ZBTB20: variants seen among roughly 807,000 people sequenced by gnomAD.
The protein encoded by ZBTB20 is zinc finger and BTB domain-containing protein 20.
In ZBTB20, 9 loss-of-function variants were observed where a neutral mutation model predicts 56.9. The ratio of observed to expected loss-of-function variants is 0.16; its 90% CI spans 0.10 to 0.28. The LOEUF (loss-of-function observed/expected upper bound fraction) is 0.28. ZBTB20 is among the 10% of genes least tolerant of loss of function. The pLI is 1.00. For synonymous variants in ZBTB20, 417 were observed against 420.7 expected (o/e 0.99, Z 0.11); for missense variants, 655 against 1,003.0 (o/e 0.65, Z 4.69).
At chr3:115,004,420 AT>A (rs976173330) in intron 2 of ZBTB20, among the ~76,000 whole-genome samples, 10 of 151,198 alleles carry the variant, frequency 6.6e-5, no homozygotes, top group Non-Finnish European at 1.3e-4. Flanking sequence ...AAAACAAAAT[AT>A]TTTTTTTTCC....
chr3:114,518,684 T>C (rs1395556686), intron 6 of ZBTB20: 1 of 152,200 alleles, frequency 6.6e-6, no homozygotes, highest in Non-Finnish European at 1.5e-5. Flanking sequence ...GCTCAATAAA[T>C]ACCTGCTGAA....
At chr3:115,086,174 G>A (rs1156768244) in intron 1 of ZBTB20, among the ~76,000 whole-genome samples, 4 of 151,590 alleles carry the variant, frequency 2.6e-5, no homozygotes, top group South Asian at 2.1e-4. Context: ...ATTTGTCCCC[G>A]GGATTACCTA....
intron 1 of ZBTB20, among the ~76,000 whole-genome samples, chr3:115,116,889 G>A (rs2084036012): frequency 6.6e-6 from 1 of 151,998 alleles, no homozygotes; most frequent in Non-Finnish European, 1.5e-5. Context: ...TGTATTCAAA[G>A]TACAAAGATC....
At chr3:115,055,515 A>T (rs1009652257) in intron 2 of ZBTB20, among the ~76,000 whole-genome samples, 4 of 152,120 alleles carry the variant, frequency 2.6e-5, no homozygotes, top group Non-Finnish European at 4.4e-5. Context: ...GTCTGTGGTA[A>T]TTTGTTATAT....
chr3:114,699,899 C>A (rs1191473358), intron 5 of ZBTB20, among the ~76,000 whole-genome samples: 2 of 152,012 alleles, frequency 1.3e-5, no homozygotes, highest in African/African-American at 4.8e-5. Flanking sequence ...GGACTAGTAT[C>A]TAAAGCTCAC....
chr3:114,374,545 G>C (rs1166412897), intron 10 of ZBTB20, among the ~76,000 whole-genome samples: 1 of 152,172 alleles, frequency 6.6e-6, no homozygotes, highest in Non-Finnish European at 1.5e-5. Flanking sequence ...TTCAGAGGAT[G>C]CTGTTTTTTG....
chr3:115,080,683 A>T (rs961303930), intron 1 of ZBTB20, among the ~76,000 whole-genome samples: 1 of 152,174 alleles, frequency 6.6e-6, no homozygotes, highest in African/African-American at 2.4e-5. Flanking sequence ...AGATTCTTGG[A>T]TAAAAAGATT....
intron 5 of ZBTB20, among the ~76,000 whole-genome samples, chr3:114,718,077 C>T (rs1282200114): frequency 2.0e-5 from 3 of 152,004 alleles, no homozygotes; most frequent in Admixed American, 1.3e-4. Flanking sequence ...CTTTGATATA[C>T]AAAAAAGAGT....
chr3:115,114,904 C>T (rs888163636), intron 1 of ZBTB20, among the ~76,000 whole-genome samples: 1 of 151,998 alleles, frequency 6.6e-6, no homozygotes, highest in Non-Finnish European at 1.5e-5. Flanking sequence ...AAATTAGAAC[C>T]TTGTCATTCT....
chr3:114,348,408 A>G (rs1417968585), intron 11 of ZBTB20, among the ~76,000 whole-genome samples: 2 of 152,250 alleles, frequency 1.3e-5, no homozygotes, highest in African/African-American at 2.4e-5. Context: ...TTACTATTTG[A>G]TTAATTCACC....
At chr3:114,348,572 T>C (rs948625510) in intron 11 of ZBTB20, among the ~76,000 whole-genome samples, 1 of 152,218 alleles carries the variant, frequency 6.6e-6, no homozygotes, top group Non-Finnish European at 1.5e-5. Context: ...TATTTGGAAG[T>C]GTGAATACTG....
In ZBTB20 at chr3:114,321,097, C is replaced by T. The variant is rs1391556135; in HGVS notation, c.*17908G>A. ...GACAGCATTTGAGAAACTGGCTGGACACAGGGGAGCTGCTACTGGTATTTA... is the reference window on the plus strand; with the variant it reads ...GACAGCATTTGAGAAACTGGCTGGATACAGGGGAGCTGCTACTGGTATTTA... On this transcript the variant is annotated 3_prime_UTR_variant, in exon 12 of 12. Transcript: ENST00000675478. 6.6e-6 allele frequency: 1 copy of T among 152,188 alleles called. No individual in the cohort carries two copies. The highest frequency in any genetic ancestry group is 1.9e-4 in the East Asian group (1 of 5,198). 9.4% of individuals were successfully genotyped at this position (152,188 alleles called of 1,614,324 possible). A position where few individuals can be genotyped will look rare whatever the true frequency, so the allele number is the denominator to read the frequency against.
intron 2 of ZBTB20, among the ~76,000 whole-genome samples, chr3:115,044,509 C>T (rs191479484): frequency 4.6e-5 from 7 of 152,148 alleles, no homozygotes; most frequent in Non-Finnish European, 1.0e-4. Context: ...GACAGCTAAA[C>T]CAGATGATGT....
At chr3:114,776,198 G>A (rs996330183) in intron 5 of ZBTB20, among the ~76,000 whole-genome samples, 1 of 150,654 alleles carries the variant, frequency 6.6e-6, no homozygotes, top group African/African-American at 2.4e-5. Context: ...GTGGTGGGCT[G>A]AATAATGACA....
intron 8 of ZBTB20, among the ~76,000 whole-genome samples, chr3:114,384,753 T>A (rs1158926344): frequency 1.3e-5 from 2 of 152,200 alleles, no homozygotes; most frequent in Non-Finnish European, 2.9e-5. Flanking sequence ...AGTAAGGCTG[T>A]GGAGGATGTT....
At chr3:114,909,716 A>G (rs1014524999) in intron 3 of ZBTB20, among the ~76,000 whole-genome samples, 3 of 152,164 alleles carry the variant, frequency 2.0e-5, no homozygotes, top group Non-Finnish European at 2.9e-5. Flanking sequence ...CACAATGATG[A>G]AATCACCTAA....
chr3:115,049,524 G>T (rs1305661585), intron 2 of ZBTB20, among the ~76,000 whole-genome samples: 3 of 152,000 alleles, frequency 2.0e-5, no homozygotes, highest in Non-Finnish European at 4.4e-5. Context: ...CCTTATATAC[G>T]TAGCCTTAAG....
chr3:114,607,303 ATTTT>A (rs34327675), intron 6 of ZBTB20, among the ~76,000 whole-genome samples: 1 of 135,578 alleles, frequency 7.4e-6, no homozygotes, highest in Non-Finnish European at 1.6e-5. Flanking sequence ...CTGTTCATTC[ATTTT>A]TTTTTTTTTT....
intron 7 of ZBTB20, among the ~76,000 whole-genome samples, chr3:114,408,924 G>A (rs1014151245): frequency 2.0e-5 from 3 of 151,982 alleles, no homozygotes; most frequent in South Asian, 2.1e-4. Context: ...GGAGAGCAGC[G>A]CTCGTCCGCC....
Sources: allele counts gnomAD v4.1 joint callset (sites outside exome capture counted in the v4.1 genomes callset), GRCh38; gene constraint gnomAD v4.1.1; transcripts MANE v1.5; gene names NCBI Gene and HGNC (gene_info 2026-07-23, HGNC 2026-07-21).